Variants in ARHGAP24 observed in about 807,000 individuals in gnomAD.
The protein encoded by ARHGAP24 is Rho GTPase activating protein 24, also known as rho GTPase-activating protein 24.
ARHGAP24 carries 50 observed loss-of-function variants against 76.4 expected under a neutral mutation model. The observed-to-expected ratio is 0.65, with a 90% confidence interval of 0.52 to 0.83. The LOEUF (loss-of-function observed/expected upper bound fraction) is 0.83, where lower values mean the gene tolerates loss of function less well. Among genes scored for constraint, ARHGAP24 ranks in the 40% least tolerant of loss-of-function variants. The pLI is 0.00. For synonymous variants in ARHGAP24, 345 were observed against 323.3 expected (o/e 1.07, Z -0.72); for missense variants, 930 against 914.2 (o/e 1.02, Z -0.22).
chr4:85,645,837 C>A (rs1476079262), intron 2 of ARHGAP24, among the ~76,000 whole-genome samples: 2 of 151,900 alleles, frequency 1.3e-5, no homozygotes, highest in East Asian at 3.9e-4. Context: ...TTCCAATTAC[C>A]AGCCTAATTC....
chr4:85,853,611 C>T (rs1203346687), intron 3 of ARHGAP24, among the ~76,000 whole-genome samples: 4 of 152,026 alleles, frequency 2.6e-5, no homozygotes, highest in Admixed American at 1.3e-4. Context: ...CATCTTGGAA[C>T]GGACCTAAAT....
chr4:85,720,199 C>A (rs1387699335), intron 2 of ARHGAP24, among the ~76,000 whole-genome samples: 1 of 151,960 alleles, frequency 6.6e-6, no homozygotes, highest in Admixed American at 6.6e-5. Flanking sequence ...ACCAACATGG[C>A]ACATGTATAC....
At chr4:85,885,447 C>T (rs1403735415) in intron 3 of ARHGAP24, among the ~76,000 whole-genome samples, 1 of 151,844 alleles carries the variant, frequency 6.6e-6, no homozygotes, top group African/African-American at 2.4e-5. Flanking sequence ...TAGCTGTTAC[C>T]CAGTTTGGGG....
chr4:85,502,093 G>C (rs915201553), intron 1 of ARHGAP24, among the ~76,000 whole-genome samples: 1 of 152,002 alleles, frequency 6.6e-6, no homozygotes, highest in Admixed American at 6.6e-5. Flanking sequence ...TCTCTGTTTT[G>C]GTACCAATAC....
chr4:85,625,759 A>G (rs1288547945), intron 2 of ARHGAP24, among the ~76,000 whole-genome samples: 1 of 152,158 alleles, frequency 6.6e-6, no homozygotes, highest in African/African-American at 2.4e-5. Flanking sequence ...GTGCTCCTGT[A>G]TTGGGTGCAT....
At chr4:85,670,394 C>A (rs1722780826) in intron 2 of ARHGAP24, among the ~76,000 whole-genome samples, 1 of 152,104 alleles carries the variant, frequency 6.6e-6, no homozygotes, top group Admixed American at 6.5e-5. Context: ...TCAAATAAAG[C>A]CACTCTTGAA....
At chr4:85,828,749 G>T (rs1729845612) in intron 3 of ARHGAP24, among the ~76,000 whole-genome samples, 1 of 152,078 alleles carries the variant, frequency 6.6e-6, no homozygotes, top group Admixed American at 6.6e-5. Context: ...TTAAAATCAT[G>T]CTCTTGGGTT....
At chr4:85,789,220 T>TTA (rs1553930323) in intron 3 of ARHGAP24, among the ~76,000 whole-genome samples, 1 of 128,364 alleles carries the variant, frequency 7.8e-6, no homozygotes, top group Non-Finnish European at 1.6e-5. Context: ...GAACCTCCAT[T>TTA]AAAAAAAAAA....
At position 85,802,611 on chromosome 4, in the gene ARHGAP24, G is replaced by C. The variant is rs11941458; in HGVS notation, c.268+80639G>C. Among the ~76,000 whole-genome samples, 1,509 of 152,308 alleles carry C rather than the reference G, an allele frequency of 9.9e-3. 28 individuals are homozygous for C. Among genetic ancestry groups the C allele is most frequent in the African/African-American group, 0.034 (1,410 of 41,562 alleles). ...GTTCCATACCAGCCTAACCAACATG[G>C]AGAAACCTCATCTCTTCTAAAAATA... On this transcript the variant is annotated intron_variant, in intron 3 of 9. Transcript: ENST00000395184.
chr4:85,586,315 CT>C, intron 2 of ARHGAP24, among the ~76,000 whole-genome samples: 1 of 152,266 alleles, frequency 6.6e-6, no homozygotes, highest in South Asian at 2.1e-4. Flanking sequence ...TTTGTTCATA[CT>C]TTCTTACCAG....
At chr4:85,742,630 T>C (rs2110061230) in intron 3 of ARHGAP24, among the ~76,000 whole-genome samples, 1 of 152,346 alleles carries the variant, frequency 6.6e-6, no homozygotes, top group Non-Finnish European at 1.5e-5. Context: ...GGTTCTTTGA[T>C]TAAATCCAAT....
chr4:85,604,977 T>A (rs1256833220), intron 2 of ARHGAP24, among the ~76,000 whole-genome samples: 4 of 152,268 alleles, frequency 2.6e-5, no homozygotes, highest in African/African-American at 9.6e-5. Context: ...GTGCTGGGAT[T>A]ACAGGCATAA....
intron 3 of ARHGAP24, among the ~76,000 whole-genome samples, chr4:85,726,115 A>C (rs1725157022): frequency 2.6e-5 from 4 of 152,100 alleles, no homozygotes; most frequent in Admixed American, 2.0e-4. Context: ...CAAAACAGTC[A>C]GGGCCATTTG....
chr4:85,649,642 G>A (rs1721860336), intron 2 of ARHGAP24, among the ~76,000 whole-genome samples: 1 of 152,138 alleles, frequency 6.6e-6, no homozygotes, highest in African/African-American at 2.4e-5. Context: ...TGGCTGTTGA[G>A]ATTTATTCTC....
At position 85,667,257 on chromosome 4, in the gene ARHGAP24, G is replaced by A. The variant is rs373870667; in HGVS notation, c.181-54628G>A. Among the ~76,000 whole-genome samples, 5 of 152,292 alleles carry A rather than the reference G, an allele frequency of 3.3e-5. 1 individual carries two copies. Among genetic ancestry groups the A allele is most frequent in the Admixed American group, 6.5e-5 (1 of 15,306 alleles). ...CCTTGCAGTTTGATCTCAAACTGCTGTGCTAGCAATCGGTGAGACTCCATG... is the reference window on the plus strand; with the variant it reads ...CCTTGCAGTTTGATCTCAAACTGCTATGCTAGCAATCGGTGAGACTCCATG... On this transcript the variant is annotated intron_variant, in intron 2 of 9. Transcript: ENST00000395184.
chr4:85,654,200 C>T (rs1722049556), intron 2 of ARHGAP24, among the ~76,000 whole-genome samples: 1 of 152,122 alleles, frequency 6.6e-6, no homozygotes, highest in South Asian at 2.1e-4. Context: ...CCCCTGAGGC[C>T]TCTTTCCTTG....
intron 3 of ARHGAP24, among the ~76,000 whole-genome samples, chr4:85,912,528 T>G (rs1051759711): frequency 6.6e-5 from 10 of 152,222 alleles, no homozygotes; most frequent in Non-Finnish European, 1.5e-4. Flanking sequence ...TGTCATTTGC[T>G]GGGTGGAATA....
rs185960735 is a variant in ARHGAP24 at position 85,825,511 on chromosome 4, C to T, written c.269-98137C>T. Among the ~76,000 whole-genome samples the T allele has an allele frequency of 5.3e-5, 8 of 152,252 alleles. No homozygotes were observed. In the East Asian group the frequency reaches 1.5e-3, roughly 29 times the overall value. ...CTTCCTTAAGAGCATTGTTAAAGGT[C>T]TGATAATTTAAGAAAATTAAGATAA... On this transcript the variant is annotated intron_variant, in intron 3 of 9. Transcript: ENST00000395184.
chr4:85,861,000 GCACACACACA>G (rs70948764), intron 3 of ARHGAP24, among the ~76,000 whole-genome samples: 2 of 137,446 alleles, frequency 1.5e-5, no homozygotes, highest in Non-Finnish European at 3.1e-5. Flanking sequence ...GTGCATGCAC[GCACACACACA>G]CACACACACA....
Sources: allele counts gnomAD v4.1 joint callset (sites outside exome capture counted in the v4.1 genomes callset), GRCh38; gene constraint gnomAD v4.1.1; transcripts MANE v1.5; gene names NCBI Gene and HGNC (gene_info 2026-07-23, HGNC 2026-07-21).